Variants in ATAD2 observed in about 807,000 individuals in gnomAD.
ATAD2 encodes ATPase family AAA domain-containing protein 2.
Under a neutral mutation model 168.9 loss-of-function variants are expected in ATAD2, and 62 were observed. That is an observed-to-expected ratio of 0.37 (90% CI 0.30 to 0.45). The LOEUF (loss-of-function observed/expected upper bound fraction) is 0.45, where lower values mean the gene tolerates loss of function less well. ATAD2 is among the 20% of genes least tolerant of loss of function. The pLI is 1.00. For missense variants in ATAD2, 1,419 were observed against 1,667.8 expected, an observed-to-expected ratio of 0.85 and a Z score of 2.60; for synonymous variants, 613 against 571.6, an observed-to-expected ratio of 1.07 and a Z score of -1.03.
At chr8:123,416,055 C>T (rs1339184516) in intron 1 of ATAD2, among the ~76,000 whole-genome samples, 1 of 152,138 alleles carries the variant, frequency 6.6e-6, no homozygotes. Context: ...CCAATAGCTA[C>T]AGGCCTTCCA....
At chr8:123,374,922 A>G (rs1829262604) in intron 2 of ATAD2, among the ~76,000 whole-genome samples, 1 of 152,136 alleles carries the variant, frequency 6.6e-6, no homozygotes, top group Non-Finnish European at 1.5e-5. Flanking sequence ...TCGTACCCTC[A>G]TGACACAGTT....
At chr8:123,359,885 T>C (rs1164857075) in intron 9 of ATAD2, among the ~76,000 whole-genome samples, 200 bp from the exon 10 acceptor site, 1 of 152,168 alleles carries the variant, frequency 6.6e-6, no homozygotes. Context: ...ATCTGAAGCT[T>C]TATTATGAAA....
chr8:123,347,691 T>C (rs1828296790), intron 15 of ATAD2, among the ~76,000 whole-genome samples: 1 of 152,150 alleles, frequency 6.6e-6, no homozygotes, highest in Admixed American at 6.5e-5. Context: ...TAGATTCACA[T>C]TCCAGTTTGT....
chr8:123,396,674 G>A (rs879587543), upstream of ATAD2, among the ~76,000 whole-genome samples: 6 of 152,216 alleles, frequency 3.9e-5, no homozygotes, highest in Non-Finnish European at 1.5e-5. Flanking sequence ...ACATAGTTCC[G>A]GCTCGCTGAG....
intron 27 of ATAD2, among the ~76,000 whole-genome samples, chr8:123,321,712 C>T (rs972114299): frequency 1.3e-5 from 2 of 151,756 alleles, no homozygotes; most frequent in African/African-American, 4.8e-5. Flanking sequence ...GGCGGGAGGA[C>T]CGCTTGAAGC....
At chr8:123,361,099 T>G (rs1828804777) in intron 9 of ATAD2, among the ~76,000 whole-genome samples, 1 of 151,926 alleles carries the variant, frequency 6.6e-6, no homozygotes, top group South Asian at 2.1e-4. Context: ...GGTGGATAAC[T>G]TGAGGCCAGT....
chr8:123,389,992 T>A (rs867809182), intron 1 of ATAD2, among the ~76,000 whole-genome samples: 1,593 of 77,426 alleles, frequency 0.021, 39 homozygotes, highest in African/African-American at 0.057. Flanking sequence ...ATATTTTTTT[T>A]TTTTTAGACA....
chr8:123,370,154 A>C (rs1339562675), intron 6 of ATAD2, 130 bp from the exon 7 acceptor site: 2 of 802,526 alleles, frequency 2.5e-6, no homozygotes, highest in Admixed American at 2.5e-5. Context: ...AAAAAACAAC[A>C]AAAAAAAACC....
At chr8:123,399,901 C>T (rs1812974854), upstream of ATAD2, among the ~76,000 whole-genome samples, 1 of 152,104 alleles carries the variant, frequency 6.6e-6, no homozygotes, top group Non-Finnish European at 1.5e-5. Context: ...GCATGTGTCA[C>T]ACCTGTAATC....
chr8:123,401,973 A>G (rs1813009204), intron 1 of ATAD2: 4 of 989,712 alleles, frequency 4.0e-6, no homozygotes, highest in Admixed American at 1.7e-5. Context: ...GGCTGCCAGG[A>G]TATCAGGGCC....
At chr8:123,349,670 G>C (rs998639845) in intron 13 of ATAD2, among the ~76,000 whole-genome samples, 1 of 151,916 alleles carries the variant, frequency 6.6e-6, no homozygotes, top group African/African-American at 2.4e-5. Flanking sequence ...CCCCACAAAT[G>C]AATCCTAGAA....
chr8:123,334,429 G>T, intron 22 of ATAD2, 107 bp from the exon 23 acceptor site: 1 of 1,082,328 alleles, frequency 9.2e-7, no homozygotes, highest in Admixed American at 3.4e-5. Flanking sequence ...AATTCCTTTT[G>T]ACTTTTACCA....
chr8:123,343,791 G>C (rs1173657640), intron 19 of ATAD2, among the ~76,000 whole-genome samples: 1 of 152,114 alleles, frequency 6.6e-6, no homozygotes, highest in Non-Finnish European at 1.5e-5. Flanking sequence ...GCAGGAAAAG[G>C]GAAAAGAGTG....
chr8:123,336,601 G>T, intron 21 of ATAD2, 69 bp from the exon 22 acceptor site: 1 of 1,222,860 alleles, frequency 8.2e-7, no homozygotes, highest in Non-Finnish European at 1.1e-6. Flanking sequence ...AAGTTTCGAT[G>T]CCAGGCAATA....
chr8:123,355,728 G>C (rs1430922415), intron 13 of ATAD2, among the ~76,000 whole-genome samples: 1 of 152,140 alleles, frequency 6.6e-6, no homozygotes, highest in African/African-American at 2.4e-5. Flanking sequence ...CTGCACATCA[G>C]TAACAGGTCA....
intron 1 of ATAD2, chr8:123,401,525 G>T: frequency 4.5e-6 from 7 of 1,562,600 alleles, no homozygotes; most frequent in Admixed American, 3.7e-5. Flanking sequence ...ATGCTGGTGT[G>T]GACGGGCTGT....
At chr8:123,393,939 T>C (rs77689796) in intron 1 of ATAD2, among the ~76,000 whole-genome samples, 3,520 of 151,896 alleles carry the variant, frequency 0.023, 141 homozygotes, top group African/African-American at 0.081. Context: ...AAATAAATAA[T>C]CCAGGAAAGA....
At chr8:123,341,482 T>C (rs973016343) in intron 19 of ATAD2, among the ~76,000 whole-genome samples, 11 of 152,212 alleles carry the variant, frequency 7.2e-5, no homozygotes, top group African/African-American at 2.7e-4. Context: ...ATCTTTTTTT[T>C]CCACTGTGTT....
chr8:123,325,823 C>T (rs996919081), intron 26 of ATAD2, 70 bp downstream of exon 26: 1 of 1,554,940 alleles, frequency 6.4e-7, no homozygotes, highest in Admixed American at 1.8e-5. Context: ...CAGAATGCTA[C>T]TAGTCACAAG....
Sources: allele counts gnomAD v4.1 joint callset (sites outside exome capture counted in the v4.1 genomes callset), GRCh38; gene constraint gnomAD v4.1.1; transcripts MANE v1.5; gene names NCBI Gene and HGNC (gene_info 2026-07-23, HGNC 2026-07-21).